The following PRKG1 variants were observed in gnomAD, a reference collection of about 807,000 sequenced individuals.
PRKG1 encodes the protein protein kinase cGMP-dependent 1, also known as cGMP-dependent protein kinase 1.
In PRKG1, 35 loss-of-function variants were observed where a neutral mutation model predicts 88.1. The observed-to-expected ratio is 0.40, with a 90% CI of 0.30 to 0.53. The LOEUF is 0.53. Ranked by LOEUF, PRKG1 falls within the 20% of genes least tolerant of loss-of-function variation. The pLI is 0.59. For synonymous variants in PRKG1, 303 were observed against 292.5 expected, an observed-to-expected ratio of 1.04 and a Z score of -0.37; for missense variants, 540 against 839.8, an observed-to-expected ratio of 0.64 and a Z score of 4.41.
At chr10:51,040,411 C>T (rs894002693) in intron 1 of PRKG1, among the ~76,000 whole-genome samples, 6 of 146,186 alleles carry the variant, frequency 4.1e-5, no homozygotes, top group Admixed American at 7.1e-5. Context: ...CTCCGCCTTC[C>T]GGGCTCAAGC....
intron 2 of PRKG1, among the ~76,000 whole-genome samples, chr10:51,285,151 T>A (rs1479036883): frequency 6.7e-6 from 1 of 149,484 alleles, no homozygotes; most frequent in East Asian, 2.0e-4. Context: ...CGGTGTTTGG[T>A]TTTTTGTTCT....
intron 5 of PRKG1, among the ~76,000 whole-genome samples, chr10:52,044,151 G>A (rs1845813023): frequency 6.6e-6 from 1 of 152,154 alleles, no homozygotes; most frequent in African/African-American, 2.4e-5. Context: ...GAAACCAGCA[G>A]TGCCAGTTGT....
At chr10:51,256,763 A>C (rs1839570988) in intron 2 of PRKG1, among the ~76,000 whole-genome samples, 1 of 152,154 alleles carries the variant, frequency 6.6e-6, no homozygotes, top group Admixed American at 6.5e-5. Context: ...CAGTGGGAGT[A>C]GAAAAAATGA....
At chr10:51,224,190 C>T (rs1838626774) in intron 2 of PRKG1, among the ~76,000 whole-genome samples, 2 of 152,206 alleles carry the variant, frequency 1.3e-5, no homozygotes, top group South Asian at 4.1e-4. Flanking sequence ...TTTGGACACA[C>T]TGGAAAAGTT....
intron 4 of PRKG1, among the ~76,000 whole-genome samples, chr10:51,887,058 TCA>T (rs1284015960): frequency 1.2e-4 from 18 of 152,324 alleles, no homozygotes; most frequent in African/African-American, 4.3e-4. Context: ...GCATCTCCAC[TCA>T]CTGCAACCTC....
At chr10:52,177,032 G>C (rs1004147475) in intron 9 of PRKG1, among the ~76,000 whole-genome samples, 2 of 151,978 alleles carry the variant, frequency 1.3e-5, no homozygotes, top group Non-Finnish European at 2.9e-5. Flanking sequence ...TAATTGCTCT[G>C]GCTAGGACTT....
chr10:51,726,159 G>A (rs1201195209), intron 3 of PRKG1, among the ~76,000 whole-genome samples: 1 of 152,026 alleles, frequency 6.6e-6, no homozygotes, highest in African/African-American at 2.4e-5. Flanking sequence ...GTGTTTTGAG[G>A]TCTTTTTTTA....
chr10:51,016,589 C>A (rs1388809727), intron 1 of PRKG1, among the ~76,000 whole-genome samples: 1 of 150,204 alleles, frequency 6.7e-6, no homozygotes, highest in Non-Finnish European at 1.5e-5. Flanking sequence ...CTATATAAGG[C>A]ATTACAGTTT....
intron 1 of PRKG1, among the ~76,000 whole-genome samples, chr10:51,068,098 T>C (rs1038453978): frequency 1.7e-4 from 26 of 152,076 alleles, no homozygotes; most frequent in African/African-American, 6.0e-4. Context: ...TCAAGAATAA[T>C]ACGTGGCAAT....
intron 4 of PRKG1, among the ~76,000 whole-genome samples, chr10:51,889,523 T>C (rs1446518625): frequency 6.6e-6 from 1 of 152,144 alleles, no homozygotes. Flanking sequence ...GACATACATG[T>C]GCATGTGTCT....
intron 3 of PRKG1, among the ~76,000 whole-genome samples, chr10:51,670,850 C>G (rs1840556166): frequency 6.6e-6 from 1 of 151,848 alleles, no homozygotes; most frequent in Non-Finnish European, 1.5e-5. Flanking sequence ...TTTTATCCTA[C>G]TCCTGAATAA....
chr10:52,003,074 T>G (rs972577698), intron 5 of PRKG1, among the ~76,000 whole-genome samples: 2 of 152,198 alleles, frequency 1.3e-5, no homozygotes, highest in Non-Finnish European at 2.9e-5. Flanking sequence ...TTGCATGGTG[T>G]TTAAGCCTGC....
At chr10:51,112,167 G>A (rs573391380) in intron 1 of PRKG1, among the ~76,000 whole-genome samples, 90 of 152,122 alleles carry the variant, frequency 5.9e-4, no homozygotes, top group African/African-American at 2.0e-3. Context: ...TGGCAGTTGC[G>A]GTCTCAAATC....
At chr10:52,143,517 T>C (rs1837642588) in intron 8 of PRKG1, among the ~76,000 whole-genome samples, 1 of 152,144 alleles carries the variant, frequency 6.6e-6, no homozygotes, top group African/African-American at 2.4e-5. Flanking sequence ...ACTTACTGGA[T>C]GTCAGTGAAG....
chr10:52,208,821 T>G (rs990252520), intron 9 of PRKG1, among the ~76,000 whole-genome samples: 3 of 152,178 alleles, frequency 2.0e-5, no homozygotes, highest in African/African-American at 7.2e-5. Flanking sequence ...ATTTATATAT[T>G]CTACATAATT....
At chr10:51,628,164 A>C (rs553943313) in intron 3 of PRKG1, among the ~76,000 whole-genome samples, 979 of 25,324 alleles carry the variant, frequency 0.039, 1 homozygote, top group Middle Eastern at 0.11. Flanking sequence ...TTCTTTCTTT[A>C]TTTATTTCTT....
chr10:51,210,617 A>G (rs1173796623), intron 2 of PRKG1, among the ~76,000 whole-genome samples: 3 of 152,234 alleles, frequency 2.0e-5, no homozygotes, highest in African/African-American at 7.2e-5. Context: ...GACGCAATAA[A>G]AAATGACAAA....
At chr10:51,388,652 A>G (rs1837316008) in intron 2 of PRKG1, among the ~76,000 whole-genome samples, 1 of 152,220 alleles carries the variant, frequency 6.6e-6, no homozygotes, top group Non-Finnish European at 1.5e-5. Flanking sequence ...CTAACACTCA[A>G]CGATGCCTCT....
chr10:51,594,842 C>T (rs957110695), intron 3 of PRKG1, among the ~76,000 whole-genome samples: 1 of 152,134 alleles, frequency 6.6e-6, no homozygotes, highest in African/African-American at 2.4e-5. Flanking sequence ...TTGTCTTAGA[C>T]TTTAGTAACT....
Sources: gnomAD v4.1 joint callset for allele counts (sites outside exome capture counted in the v4.1 genomes callset) on GRCh38, gnomAD v4.1.1 for gene constraint, MANE v1.5 for transcripts, NCBI Gene and HGNC (gene_info 2026-07-23, HGNC 2026-07-21) for gene names.